ANO4: variants seen among roughly 807,000 people sequenced by gnomAD.
The protein encoded by ANO4 is anoctamin-4.
ANO4 carries 69 observed loss-of-function variants against 141.9 expected under a neutral mutation model. The ratio of observed to expected loss-of-function variants is 0.49; its 90% CI spans 0.40 to 0.59. The LOEUF is 0.59. ANO4 is among the 20% of genes least tolerant of loss of function. ANO4 has a pLI of 0.00. For missense variants in ANO4, 894 were observed against 1,162.2 expected (o/e 0.77, Z 3.36); for synonymous variants, 350 against 394.3 (o/e 0.89, Z 1.33).
rs191201743 is a variant in ANO4, at chr12:101,045,856, G to A, written c.1251+2221G>A. 1.5e-3 allele frequency among the ~76,000 whole-genome samples: 232 copies of A among 152,290 alleles called. 1 individual carries two copies. Among genetic ancestry groups the A allele is most frequent in the African/African-American group, 5.2e-3 (216 of 41,546 alleles). On this transcript the variant is annotated intron_variant, in intron 13 of 27. Coordinates refer to ENST00000392977, the MANE Select transcript of ANO4 (RefSeq NM_001286615.2). Reference sequence around the variant, plus strand: ...CCAGCTGCCTTGGCTCCAGGCTTACGTTTTCCTTCCCTTGTCTCCTTAAGT... The same window carrying A: ...CCAGCTGCCTTGGCTCCAGGCTTACATTTTCCTTCCCTTGTCTCCTTAAGT...
At chr12:101,017,155 A>C (rs2046347045) in intron 8 of ANO4, among the ~76,000 whole-genome samples, 1 of 152,342 alleles carries the variant, frequency 6.6e-6, no homozygotes, top group Middle Eastern at 3.4e-3. Flanking sequence ...ATGGACTCAC[A>C]GTTCCAAATG....
intron 1 of ANO4, among the ~76,000 whole-genome samples, chr12:100,728,182 G>T (rs1396373763): frequency 1.3e-5 from 2 of 152,068 alleles, no homozygotes; most frequent in Admixed American, 6.5e-5. Flanking sequence ...TTTCTTTTTC[G>T]TGGCGGTTAG....
intron 3 of ANO4, among the ~76,000 whole-genome samples, chr12:100,757,246 T>C (rs980852093): frequency 6.6e-6 from 1 of 152,206 alleles, no homozygotes; most frequent in Admixed American, 6.5e-5. Flanking sequence ...CTGCCTTGGT[T>C]CAAAGCCTTG....
intron 18 of ANO4, among the ~76,000 whole-genome samples, chr12:101,096,303 A>G (rs562342790): frequency 2.6e-5 from 4 of 152,228 alleles, no homozygotes; most frequent in Admixed American, 2.6e-4. Context: ...ATTCAATTCT[A>G]TCAGATTCTT....
intron 14 of ANO4, among the ~76,000 whole-genome samples, chr12:101,050,749 C>T (rs1043252406): frequency 6.6e-6 from 1 of 152,172 alleles, no homozygotes; most frequent in Non-Finnish European, 1.5e-5. Context: ...AATATTTACA[C>T]AGCAGCTGCT....
intron 3 of ANO4, among the ~76,000 whole-genome samples, chr12:100,746,164 A>C (rs1049296139): frequency 5.9e-5 from 9 of 152,322 alleles, no homozygotes; most frequent in Middle Eastern, 3.4e-3. Context: ...TTAGAAAAGA[A>C]GGGTCTTGGC....
At chr12:101,022,577 C>T (rs533998312) in intron 9 of ANO4, among the ~76,000 whole-genome samples, 13 of 152,118 alleles carry the variant, frequency 8.5e-5, no homozygotes, top group Admixed American at 3.3e-4. Context: ...ATCCTTTTTA[C>T]GAACTTTTTT....
chr12:100,958,942 G>A (rs2043287839), intron 5 of ANO4, among the ~76,000 whole-genome samples: 1 of 152,168 alleles, frequency 6.6e-6, no homozygotes, highest in South Asian at 2.1e-4. Flanking sequence ...TAAGGGAAAA[G>A]GATAGTCATT....
chr12:100,820,425 A>G (rs1434465901), intron 1 of ANO4, among the ~76,000 whole-genome samples: 3 of 151,808 alleles, frequency 2.0e-5, no homozygotes, highest in African/African-American at 7.3e-5. Flanking sequence ...ACAGAGCACA[A>G]GCAGGGAATG....
At chr12:101,047,113 A>G (rs965387072) in intron 13 of ANO4, among the ~76,000 whole-genome samples, 1 of 152,144 alleles carries the variant, frequency 6.6e-6, no homozygotes, top group Admixed American at 6.5e-5. Flanking sequence ...GCTGGGCATG[A>G]TGGCGGGTGC....
At chr12:101,053,733 C>G (rs2047974482) in intron 14 of ANO4, among the ~76,000 whole-genome samples, 1 of 152,166 alleles carries the variant, frequency 6.6e-6, no homozygotes, top group South Asian at 2.1e-4. Flanking sequence ...GTGCACTGAC[C>G]CTACTTCCAA....
chr12:100,922,248 C>A lies in ANO4; in HGVS notation c.78C>A (p.Gly26=). 6.5e-7 allele frequency: 1 copy of A among 1,532,358 alleles called. No homozygotes were observed. The highest frequency in any genetic ancestry group is 8.7e-7 in the Non-Finnish European group (1 of 1,145,642). 94.9% of individuals were successfully genotyped at this position (1,532,358 alleles called of 1,614,324 possible). A position where few individuals can be genotyped will look rare whatever the true frequency, so the allele number is the denominator to read the frequency against. ...TAGAAGGAGGTGTGGATTTGCAAGG[C>A]TACCAGCTGGATATGCAAATACTAC... ...FHPEGGVDLQ[G]YQLDMQILPD... is the part of the protein sequence containing the mutation. Residue 26 remains glycine (G), a synonymous_variant, in exon 3 of 28, where the codon GGC becomes GGA. Transcript: ENST00000392977.
At chr12:101,086,220 T>C (rs1260987708) in intron 16 of ANO4, among the ~76,000 whole-genome samples, 1 of 151,828 alleles carries the variant, frequency 6.6e-6, no homozygotes, top group Non-Finnish European at 1.5e-5. Flanking sequence ...AGAGAAGCTG[T>C]GGGGACCCCA....
intron 5 of ANO4, among the ~76,000 whole-genome samples, chr12:100,964,423 G>A (rs1005524657): frequency 3.3e-5 from 5 of 152,128 alleles, no homozygotes; most frequent in African/African-American, 1.2e-4. Context: ...GCACTATGTA[G>A]CTGGTCCCGT....
chr12:100,808,777 ATT>A (rs903674512), intron 1 of ANO4, among the ~76,000 whole-genome samples: 1 of 152,110 alleles, frequency 6.6e-6, no homozygotes, highest in African/African-American at 2.4e-5. Flanking sequence ...TAATTGATTC[ATT>A]TTTTCTTTTA....
intron 14 of ANO4, among the ~76,000 whole-genome samples, chr12:101,051,893 A>G (rs1282366860): frequency 6.6e-6 from 1 of 152,196 alleles, no homozygotes; most frequent in Non-Finnish European, 1.5e-5. Context: ...CTGCTTTGAG[A>G]CAGTAATGTT....
chr12:100,960,943 A>C (rs575428677), intron 5 of ANO4, among the ~76,000 whole-genome samples: 7 of 152,354 alleles, frequency 4.6e-5, no homozygotes, highest in Admixed American at 2.0e-4. Flanking sequence ...TTTATAGATC[A>C]GAACTGACAT....
chr12:100,789,258 A>G (rs568170850), intron 3 of ANO4, among the ~76,000 whole-genome samples: 34 of 152,292 alleles, frequency 2.2e-4, no homozygotes, highest in Admixed American at 9.8e-4. Context: ...TTAGGAAGTC[A>G]CAGAGTGAGG....
chr12:101,004,425 A>T (rs866613388), intron 8 of ANO4, among the ~76,000 whole-genome samples: 1 of 152,074 alleles, frequency 6.6e-6, no homozygotes, highest in Non-Finnish European at 1.5e-5. Flanking sequence ...AACTGGAACC[A>T]GCTGCCATTG....
Sources: gnomAD v4.1 joint callset for allele counts (sites outside exome capture counted in the v4.1 genomes callset) on GRCh38, gnomAD v4.1.1 for gene constraint, MANE v1.5 for transcripts, NCBI Gene and HGNC (gene_info 2026-07-23, HGNC 2026-07-21) for gene names.